FAHD2A: variants seen among roughly 807,000 people sequenced by gnomAD.
FAHD2A encodes the protein oxaloacetate tautomerase FAHD2A, mitochondrial.
FAHD2A carries 27 observed loss-of-function variants against 33.4 expected under a neutral mutation model. The observed-to-expected ratio is 0.81, with a 90% CI of 0.60 to 1.11. The LOEUF is 1.11. Ranked by LOEUF, FAHD2A falls within the 50% of genes most tolerant of loss-of-function variation. FAHD2A has a pLI of 0.00. For synonymous variants in FAHD2A, 130 were observed against 153.3 expected (o/e 0.85, Z 1.12); for missense variants, 296 against 395.0 (o/e 0.75, Z 2.12).
intron 2 of FAHD2A, among the ~76,000 whole-genome samples, 163 bp downstream of exon 2, chr2:95,405,966 T>C (rs1188649028): frequency 2.0e-5 from 3 of 151,822 alleles, no homozygotes; most frequent in South Asian, 2.1e-4. Context: ...AAATCTTACA[T>C]AATAACATCT....
At chr2:95,419,550 G>A (rs1213571233), downstream of FAHD2A, among the ~76,000 whole-genome samples, 1 of 152,048 alleles carries the variant, frequency 6.6e-6, no homozygotes. Flanking sequence ...CTGAGGCAAG[G>A]ATTGAAGTGC....
Position 95,413,152 on chromosome 2 carries a change from C to T in FAHD2A, c.*195C>T. The T allele has an allele frequency of 1.3e-5, 14 of 1,087,768 alleles. No homozygotes were observed. In the South Asian group the frequency reaches 1.8e-4, roughly 14 times the overall value. 67.4% of individuals were successfully genotyped at this position (1,087,768 alleles called of 1,614,324 possible). A position where few individuals can be genotyped will look rare whatever the true frequency, so the allele number is the denominator to read the frequency against. On this transcript the variant is annotated 3_prime_UTR_variant, in exon 8 of 8. Transcript: ENST00000233379. ...CAGCAGCTTTGCTTCTGCTGTTTGTCTTCTTTTGGGCTTTGTTTCATGGGA... is the reference window on the plus strand; with the variant it reads ...CAGCAGCTTTGCTTCTGCTGTTTGTTTTCTTTTGGGCTTTGTTTCATGGGA...
chr2:95,414,334 A>G lies in FAHD2A; in HGVS notation c.*1377A>G. 1.2e-6 allele frequency: 1 copy of G among 841,090 alleles called. No individual in the cohort carries two copies. Among genetic ancestry groups the G allele is most frequent in the Non-Finnish European group, 2.0e-6 (1 of 493,628 alleles). 52.1% of individuals were successfully genotyped at this position (841,090 alleles called of 1,614,324 possible). A position where few individuals can be genotyped will look rare whatever the true frequency, so the allele number is the denominator to read the frequency against. ...AGAAAAAGAAGACATCAAAAAGAAA[A>G]TCTAGTGCTGGGTGGATATAGAGTA... On this transcript the variant is annotated 3_prime_UTR_variant, in exon 8 of 8. Transcript: ENST00000233379.
intron 4 of FAHD2A, 111 bp downstream of exon 4, chr2:95,410,697 C>T (rs1682339931): frequency 6.4e-7 from 1 of 1,555,424 alleles, no homozygotes; most frequent in Non-Finnish European, 8.7e-7. Flanking sequence ...GTCCCTGACA[C>T]TAGGAAGCAG....
Position 95,405,788 on chromosome 2 carries a change from T to G in FAHD2A, c.230T>G (p.Leu77Arg). ...TTCCTAGAGCAGGGAGAGGCCACCCTCTCAGTGGCAAGAAGGTAAGTAAGT... is the reference window on the plus strand; with the variant it reads ...TTCCTAGAGCAGGGAGAGGCCACCCGCTCAGTGGCAAGAAGGTAAGTAAGT... ...TQFLEQGEAT[L>R]SVARRALAAQ... is the part of the protein sequence containing the mutation. The change falls in exon 2 of 8, where the codon CTC becomes CGC. Residue 77 changes from leucine (L) to arginine (R), a missense_variant. By Grantham distance (102) the Leu-to-Arg change is moderately radical. Coordinates refer to ENST00000233379, the MANE Select transcript of FAHD2A (RefSeq NM_016044.3). 1 of 1,612,684 alleles carries G rather than the reference T, an allele frequency of 6.2e-7. No homozygotes were observed. Among genetic ancestry groups the G allele is most frequent in the Non-Finnish European group, 8.5e-7 (1 of 1,179,570 alleles).
In FAHD2A at chr2:95,410,523, A is replaced by G. The variant is rs749597290; in HGVS notation, c.463-4A>G. ...CAGCTCACTGTTCCTCTCCCACCCT[A>G]CAGGAGGTAGATTGGGAAGTGGAGC... On this transcript the variant is annotated splice_region_variant and splice_polypyrimidine_tract_variant and intron_variant, in intron 3 of 7. Transcript: ENST00000233379. 1.2e-6 allele frequency: 2 copies of G among 1,607,836 alleles called. No individual in the cohort carries two copies. Among genetic ancestry groups the G allele is most frequent in the Non-Finnish European group, 8.5e-7 (1 of 1,177,416 alleles).
downstream of FAHD2A, among the ~76,000 whole-genome samples, chr2:95,417,497 C>T (rs1478136718): frequency 6.6e-6 from 1 of 152,194 alleles, no homozygotes; most frequent in Non-Finnish European, 1.5e-5. Context: ...GTAAAGATCA[C>T]ATATTTACCT....
At position 95,414,236 on chromosome 2, in the gene FAHD2A, G is replaced by C; in HGVS notation, c.*1279G>C. On this transcript the variant is annotated 3_prime_UTR_variant, in exon 8 of 8. Coordinates refer to ENST00000233379, the MANE Select transcript of FAHD2A (RefSeq NM_016044.3). ...TGCCTGCAGGAGCCTGGGCTGACTG[G>C]TTGGGACTCACCAAAGATCCCTTCT... 1.9e-6 allele frequency: 3 copies of C among 1,603,498 alleles called. No homozygotes were observed. The highest frequency in any genetic ancestry group is 3.4e-5 in the Admixed American group (2 of 59,514).
Position 95,413,637 on chromosome 2 carries a change from G to C in FAHD2A, c.*680G>C, listed in dbSNP as rs1239273820. 3 of 1,437,850 alleles carry C rather than the reference G, an allele frequency of 2.1e-6. No individual in the cohort carries two copies. Among genetic ancestry groups the C allele is most frequent in the Non-Finnish European group, 2.8e-6 (3 of 1,087,814 alleles). The allele number at this position is 1,437,850 out of a possible 1,614,324, so 89.1% of individuals were successfully genotyped here. On this transcript the variant is annotated 3_prime_UTR_variant, in exon 8 of 8. Coordinates refer to ENST00000233379, the MANE Select transcript of FAHD2A (RefSeq NM_016044.3). ...TGTGTCCACATGGCCCAGGGGCCAG[G>C]CCTGTCCCCCAGAAACCTGCCTTGA...
At chr2:95,418,027 G>C (rs1683256129), downstream of FAHD2A, among the ~76,000 whole-genome samples, 2 of 152,028 alleles carry the variant, frequency 1.3e-5, no homozygotes, top group Non-Finnish European at 2.9e-5. Context: ...ATCGAGTGTA[G>C]ATCAAACTTC....
Position 95,414,094 on chromosome 2 carries a change from A to G in FAHD2A, c.*1137A>G. 4.2e-6 allele frequency: 6 copies of G among 1,435,088 alleles called. No homozygotes were observed. The highest frequency in any genetic ancestry group is 5.8e-6 in the Non-Finnish European group (6 of 1,026,690). 88.9% of individuals were successfully genotyped at this position (1,435,088 alleles called of 1,614,324 possible). A position where few individuals can be genotyped will look rare whatever the true frequency, so the allele number is the denominator to read the frequency against. On this transcript the variant is annotated 3_prime_UTR_variant, in exon 8 of 8. Coordinates refer to ENST00000233379, the MANE Select transcript of FAHD2A (RefSeq NM_016044.3). ...GGCACAGGCTTCTCTCCTCTTGTTTAAAGAAGCCCAGGGAGGGATAGATCT... is the reference window on the plus strand; with the variant it reads ...GGCACAGGCTTCTCTCCTCTTGTTTGAAGAAGCCCAGGGAGGGATAGATCT...
chr2:95,405,489 T>A (rs1172265942), intron 1 of FAHD2A, 64 bp from the exon 2 acceptor site: 14 of 1,548,916 alleles, frequency 9.0e-6, no homozygotes, highest in Admixed American at 5.8e-5. Flanking sequence ...CCCTAGGAAT[T>A]TCAGGGAACC....
chr2:95,407,864 A>G (rs1196490496), intron 3 of FAHD2A, among the ~76,000 whole-genome samples: 5 of 152,206 alleles, frequency 3.3e-5, no homozygotes, highest in Admixed American at 1.3e-4. Flanking sequence ...AACACTGGTT[A>G]CTTTTTCTCT....
At chr2:95,417,903 G>T (rs1683252918), downstream of FAHD2A, among the ~76,000 whole-genome samples, 1 of 152,208 alleles carries the variant, frequency 6.6e-6, no homozygotes, top group Non-Finnish European at 1.5e-5. Flanking sequence ...GGTAGTTAGG[G>T]TTTCAACATA....
At position 95,410,924 on chromosome 2, in the gene FAHD2A, G is replaced by C. The variant is rs759494586; in HGVS notation, c.583G>C (p.Asp195His). ...FTVAHDVSAR[D>H]WQMRRNGKQW... is the part of the protein sequence containing the mutation. Reference sequence around the variant, plus strand: ...TGTGGCTCATGACGTGAGTGCTCGTGACTGGCAAATGAGACGTAATGGGAA... The same window carrying C: ...TGTGGCTCATGACGTGAGTGCTCGTCACTGGCAAATGAGACGTAATGGGAA... The change falls in exon 5 of 8, where the codon GAC becomes CAC. Residue 195 changes from aspartate to histidine, a missense_variant. Transcript: ENST00000233379. The C allele has an allele frequency of 5.0e-6, 8 of 1,613,876 alleles. No homozygotes were observed. Among genetic ancestry groups the C allele is most frequent in the East Asian group, 4.5e-5 (2 of 44,898 alleles).
rs1683172787 is a variant in FAHD2A, at chr2:95,416,427, G to T, written c.*3470G>T. The stretch of plus-strand genomic sequence containing the variant: ...GATTCCTGCAGCCTGTTGCCTCCTT[G>T]CCTGGACCCCGCCTCAGCTCAGAAA... On this transcript the variant is annotated 3_prime_UTR_variant, in exon 8 of 8. Transcript: ENST00000233379. 6.6e-6 allele frequency: 1 copy of T among 152,120 alleles called. No homozygotes were observed. Among genetic ancestry groups the T allele is most frequent in the Non-Finnish European group, 1.5e-5 (1 of 68,022 alleles). The allele number at this position is 152,120 out of a possible 1,614,324, so 9.4% of individuals were successfully genotyped here.
At chr2:95,411,059 C>G in intron 5 of FAHD2A, 33 bp downstream of exon 5, 1 of 1,611,710 alleles carries the variant, frequency 6.2e-7, no homozygotes, top group Non-Finnish European at 8.5e-7. Context: ...CTTATACCTA[C>G]CATTGCACAG....
downstream of FAHD2A, among the ~76,000 whole-genome samples, chr2:95,417,764 AAGAATG>A (rs1456067096): frequency 1.3e-5 from 2 of 152,036 alleles, no homozygotes; most frequent in African/African-American, 4.8e-5. Flanking sequence ...GAGACAGAGA[AAGAATG>A]AGAATGAGAG....
In FAHD2A at chr2:95,408,064, G is replaced by A. The variant is rs1161100919; in HGVS notation, c.462+907G>A. Among the ~76,000 whole-genome samples the A allele has an allele frequency of 3.0e-5, 4 of 135,550 alleles. No individual in the cohort carries two copies. In the East Asian group the frequency reaches 6.3e-4, roughly 21 times the overall value. The allele number at this position is 135,550 out of a possible 152,430, so 88.9% of individuals were successfully genotyped here. Reference sequence around the variant, plus strand: ...TTTTTTTTTTTTTTTTTTTTTGCAGGGTATGGGGTGGAGGGGACCTTTTAA... The same window carrying A: ...TTTTTTTTTTTTTTTTTTTTTGCAGAGTATGGGGTGGAGGGGACCTTTTAA... On this transcript the variant is annotated intron_variant, in intron 3 of 7. Coordinates refer to ENST00000233379, the MANE Select transcript of FAHD2A (RefSeq NM_016044.3).
Sources: allele counts gnomAD v4.1 joint callset (sites outside exome capture counted in the v4.1 genomes callset), GRCh38; gene constraint gnomAD v4.1.1; transcripts MANE v1.5; gene names NCBI Gene and HGNC (gene_info 2026-07-23, HGNC 2026-07-21).